Variants in CTIF observed in about 807,000 individuals in gnomAD.
The protein encoded by CTIF is CBP80/20-dependent translation initiation factor.
CTIF carries 21 observed loss-of-function variants against 66.0 expected under a neutral mutation model. The ratio of observed to expected loss-of-function variants is 0.32; its 90% CI spans 0.23 to 0.46. The LOEUF is 0.46. CTIF is among the 20% of genes least tolerant of loss of function. The pLI is 1.00. For synonymous variants in CTIF, 345 were observed against 326.4 expected (o/e 1.06, Z -0.62); for missense variants, 739 against 812.7 (o/e 0.91, Z 1.10).
At chr18:48,809,666 A>G (rs1169531517) in intron 9 of CTIF, among the ~76,000 whole-genome samples, 2 of 152,094 alleles carry the variant, frequency 1.3e-5, no homozygotes, top group Non-Finnish European at 2.9e-5. Context: ...TTACCTATAA[A>G]AATTGTAAGT....
At chr18:48,577,795 G>A (rs1191522012) in intron 1 of CTIF, among the ~76,000 whole-genome samples, 2 of 152,128 alleles carry the variant, frequency 1.3e-5, no homozygotes, top group East Asian at 1.9e-4. Flanking sequence ...GTCTGGCCTC[G>A]AACTCCTGGG....
chr18:48,810,299 TC>T (rs1396235317), intron 9 of CTIF, among the ~76,000 whole-genome samples: 1 of 152,142 alleles, frequency 6.6e-6, no homozygotes, highest in Non-Finnish European at 1.5e-5. Context: ...TGATATATTT[TC>T]TTCCATTATT....
chr18:48,730,831 C>T (rs1271031046), intron 7 of CTIF, among the ~76,000 whole-genome samples: 4 of 148,534 alleles, frequency 2.7e-5, no homozygotes, highest in African/African-American at 1.0e-4. Context: ...GAGGGGCTTC[C>T]GTGGTGTGAG....
intron 1 of CTIF, among the ~76,000 whole-genome samples, chr18:48,575,871 G>A (rs185436369): frequency 4.7e-4 from 71 of 152,382 alleles, no homozygotes; most frequent in African/African-American, 1.7e-3. Flanking sequence ...TTGGAGTAAG[G>A]GCTTTTGCCT....
At chr18:48,548,429 G>T (rs1292605009) in intron 1 of CTIF, among the ~76,000 whole-genome samples, 1 of 152,246 alleles carries the variant, frequency 6.6e-6, no homozygotes, top group Non-Finnish European at 1.5e-5. Context: ...ACAGCATGCG[G>T]TTTATCTGTC....
chr18:48,545,694 G>T (rs1417795690), intron 1 of CTIF, among the ~76,000 whole-genome samples: 1 of 152,176 alleles, frequency 6.6e-6, no homozygotes, highest in African/African-American at 2.4e-5. Flanking sequence ...TTGCTGGTAG[G>T]ATAGTGGGGT....
At chr18:48,793,456 T>A (rs984028501) in intron 9 of CTIF, among the ~76,000 whole-genome samples, 1 of 152,228 alleles carries the variant, frequency 6.6e-6, no homozygotes. Context: ...CACAGCCATT[T>A]ACAACTCTGG....
intron 7 of CTIF, among the ~76,000 whole-genome samples, chr18:48,726,866 A>G (rs1354226200): frequency 2.0e-5 from 3 of 152,080 alleles, no homozygotes; most frequent in Non-Finnish European, 4.4e-5. Context: ...CCACCCTCTC[A>G]TTCCCAGTGA....
At chr18:48,548,270 TG>T (rs2145508321) in intron 1 of CTIF, among the ~76,000 whole-genome samples, 1 of 152,246 alleles carries the variant, frequency 6.6e-6, no homozygotes, top group Non-Finnish European at 1.5e-5. Flanking sequence ...CACCAGTAGC[TG>T]GGAACACACA....
At chr18:48,751,942 ATTATTCAT>A (rs1418392803) in intron 7 of CTIF, among the ~76,000 whole-genome samples, 1 of 104,790 alleles carries the variant, frequency 9.5e-6, no homozygotes, top group East Asian at 3.0e-4. Context: ...TGCATCATTT[ATTATTCAT>A]TCATTCATTC....
intron 5 of CTIF, among the ~76,000 whole-genome samples, chr18:48,669,787 A>C (rs2144985100): frequency 9.8e-6 from 1 of 101,536 alleles, no homozygotes; most frequent in East Asian, 3.5e-4. Flanking sequence ...CAAACAAGCT[A>C]AACATTTATA....
intron 1 of CTIF, among the ~76,000 whole-genome samples, chr18:48,561,333 T>C (rs900820491): frequency 7.2e-5 from 11 of 152,150 alleles, no homozygotes; most frequent in African/African-American, 2.2e-4. Context: ...GCCCCTTTTA[T>C]ATGCTAATTC....
chr18:48,712,352 T>A (rs2092234638), intron 7 of CTIF, among the ~76,000 whole-genome samples: 1 of 152,182 alleles, frequency 6.6e-6, no homozygotes, highest in Non-Finnish European at 1.5e-5. Context: ...AAATTGAGCA[T>A]CCTGGGAATG....
chr18:48,692,373 T>G (rs2145280420), intron 6 of CTIF: 1 of 151,672 alleles, frequency 6.6e-6, no homozygotes. Context: ...TATTTCTGGC[T>G]CACCATACAC....
At chr18:48,835,217 AT>A (rs1242756734) in intron 10 of CTIF, among the ~76,000 whole-genome samples, 3 of 152,130 alleles carry the variant, frequency 2.0e-5, no homozygotes, top group Non-Finnish European at 4.4e-5. Context: ...ACGGCAGGGA[AT>A]TTTTATGGTG....
intron 9 of CTIF, among the ~76,000 whole-genome samples, chr18:48,794,455 TGGGCGAAGGGTC>T (rs2067864925): frequency 1.3e-5 from 2 of 151,944 alleles, no homozygotes; most frequent in Non-Finnish European, 2.9e-5. Flanking sequence ...CTCCCCAGGG[TGGGCGAAGGGTC>T]TTGGGGCCGG....
chr18:48,700,594 T>A (rs972329308), intron 6 of CTIF, among the ~76,000 whole-genome samples: 2 of 152,212 alleles, frequency 1.3e-5, no homozygotes, highest in African/African-American at 4.8e-5. Flanking sequence ...ACGTGACTAC[T>A]GCTAGTTTGT....
chr18:48,721,276 G>A (rs960259190), intron 7 of CTIF, among the ~76,000 whole-genome samples: 3 of 152,346 alleles, frequency 2.0e-5, no homozygotes, highest in African/African-American at 4.8e-5. Flanking sequence ...TGCTCCCTGA[G>A]AAACTGGCCC....
chr18:48,664,638 C>A (rs2091404830), intron 5 of CTIF, 87 bp downstream of exon 5: 2 of 1,139,744 alleles, frequency 1.8e-6, no homozygotes, highest in Non-Finnish European at 2.6e-6. Flanking sequence ...TGCTCTGCTG[C>A]ACAGGGGACT....
Sources: allele counts gnomAD v4.1 joint callset (sites outside exome capture counted in the v4.1 genomes callset), GRCh38; gene constraint gnomAD v4.1.1; transcripts MANE v1.5; gene names NCBI Gene and HGNC (gene_info 2026-07-23, HGNC 2026-07-21).